Variants in ACVR1B observed in about 807,000 individuals in gnomAD.
The protein encoded by ACVR1B is activin A receptor type 1B, also known as activin receptor type-1B.
ACVR1B carries 15 observed loss-of-function variants against 55.6 expected under a neutral mutation model. That is an observed-to-expected ratio of 0.27 (90% CI 0.18 to 0.42). ACVR1B has a LOEUF of 0.42. ACVR1B is among the 10% of genes least tolerant of loss of function. The pLI, the probability that ACVR1B is intolerant of heterozygous loss-of-function variation, is 1.00. For missense variants in ACVR1B, 359 were observed against 670.1 expected (o/e 0.54, Z 5.13); for synonymous variants, 247 against 254.6 (o/e 0.97, Z 0.28).
rs1941824002 is a variant in ACVR1B, at chr12:51,975,151, A to G, written c.92-114A>G. 10 of 1,459,296 alleles carry G rather than the reference A, an allele frequency of 6.9e-6. No individual in the cohort carries two copies. The South Asian group carries it at 9.5e-5, about 14-fold the overall frequency. 90.4% of individuals were successfully genotyped at this position (1,459,296 alleles called of 1,614,324 possible). A position where few individuals can be genotyped will look rare whatever the true frequency, so the allele number is the denominator to read the frequency against. The stretch of plus-strand genomic sequence containing the variant: ...AGGATATCTTTTTGGCCCCATCTCT[A>G]TAAAAACTGTTTTGGAACATCAAGT... On this transcript the variant is annotated intron_variant, in intron 1 of 8. Coordinates refer to ENST00000257963, the MANE Select transcript of ACVR1B (RefSeq NM_004302.5).
intron 1 of ACVR1B, among the ~76,000 whole-genome samples, chr12:51,967,801 A>C (rs747947663): frequency 1.5e-4 from 23 of 152,212 alleles, no homozygotes; most frequent in Non-Finnish European, 3.2e-4. Flanking sequence ...AAACTTGCCT[A>C]GTGTTGCTAA....
At chr12:51,952,712 G>GTA (rs1333602848) in intron 1 of ACVR1B, among the ~76,000 whole-genome samples, 1 of 152,060 alleles carries the variant, frequency 6.6e-6, no homozygotes, top group Non-Finnish European at 1.5e-5. Context: ...CCTGGAACCT[G>GTA]TCTCCAAACC....
At chr12:51,967,016 G>A (rs1175919639) in intron 1 of ACVR1B, among the ~76,000 whole-genome samples, 1 of 152,096 alleles carries the variant, frequency 6.6e-6, no homozygotes, top group Non-Finnish European at 1.5e-5. Context: ...CGAGACGGGT[G>A]GATCACAAGG....
chr12:51,979,728 GAA>G, intron 3 of ACVR1B, among the ~76,000 whole-genome samples: 1 of 152,270 alleles, frequency 6.6e-6, no homozygotes, highest in African/African-American at 2.4e-5. Context: ...GGCTTCTACT[GAA>G]AGTTTCCATG....
chr12:51,987,079 C>T (rs1253512048), intron 7 of ACVR1B, 137 bp downstream of exon 7: 1 of 1,236,700 alleles, frequency 8.1e-7, no homozygotes, highest in South Asian at 1.2e-5. Context: ...TTAAGGTTGC[C>T]ATCAAAGGTG....
intron 3 of ACVR1B, among the ~76,000 whole-genome samples, chr12:51,979,163 CAAA>C (rs1164099929): frequency 0.042 from 2,409 of 57,044 alleles, 25 homozygotes; most frequent in African/African-American, 0.051. Flanking sequence ...AGCTCCGTCT[CAAA>C]AAAAAAAAAA....
chr12:51,965,534 TTGGAGA>T (rs1164191751), intron 1 of ACVR1B, among the ~76,000 whole-genome samples: 4 of 151,960 alleles, frequency 2.6e-5, no homozygotes, highest in Non-Finnish European at 5.9e-5. Context: ...AACCAGTAGG[TTGGAGA>T]TATTAGAGTA....
intron 3 of ACVR1B, among the ~76,000 whole-genome samples, chr12:51,978,556 G>A (rs1941912620): frequency 6.6e-6 from 1 of 152,048 alleles, no homozygotes; most frequent in African/African-American, 2.4e-5. Flanking sequence ...CCGGCCAGGC[G>A]CGGTGGCTCA....
At chr12:51,971,217 G>T (rs1941741599) in intron 1 of ACVR1B, among the ~76,000 whole-genome samples, 1 of 152,224 alleles carries the variant, frequency 6.6e-6, no homozygotes, top group Non-Finnish European at 1.5e-5. Flanking sequence ...TCAAAACACA[G>T]CCTGTCTCAT....
At chr12:51,958,874 T>A (rs1178033536) in intron 1 of ACVR1B, among the ~76,000 whole-genome samples, 2 of 152,172 alleles carry the variant, frequency 1.3e-5, no homozygotes, top group Non-Finnish European at 2.9e-5. Flanking sequence ...CCAGTACCGG[T>A]CTGTGGCCCC....
chr12:51,951,924 C>A (rs979338156), intron 1 of ACVR1B, 90 bp downstream of exon 1: 5 of 785,320 alleles, frequency 6.4e-6, no homozygotes, highest in Non-Finnish European at 8.5e-6. Flanking sequence ...TACAGCGCGC[C>A]CCCTCCCCAC....
chr12:51,954,691 T>C (rs1941375608), intron 1 of ACVR1B, among the ~76,000 whole-genome samples: 1 of 152,240 alleles, frequency 6.6e-6, no homozygotes, highest in South Asian at 2.1e-4. Flanking sequence ...TTACAAGTTG[T>C]CCTTGAACAA....
chr12:51,962,811 G>A (rs1026816538), intron 1 of ACVR1B, among the ~76,000 whole-genome samples: 1 of 152,216 alleles, frequency 6.6e-6, no homozygotes, highest in Non-Finnish European at 1.5e-5. Flanking sequence ...TATAAAGTGA[G>A]TAAAAGCTGA....
In ACVR1B at chr12:51,981,139, T is replaced by C; in HGVS notation, c.751T>C (p.Tyr251His). Reference protein sequence around the residue: ...ERSWFREAEIYQTVMLRHENI... With the variant: ...ERSWFREAEIHQTVMLRHENI... ...GTCTTGGTTCAGGGAAGCAGAGATA[T>C]ACCAGACGGTCATGCTGCGCCATGA... is the stretch of plus-strand genomic sequence containing the variant. The change falls in exon 4 of 9, where the codon TAC becomes CAC. Residue 251 changes from tyrosine to histidine, a missense_variant. This residue lies in a region of ACVR1B where 119 missense variants were observed against 340.2 expected (regional missense o/e 0.35). Coordinates refer to ENST00000257963, the MANE Select transcript of ACVR1B (RefSeq NM_004302.5). 2.5e-6 allele frequency: 4 copies of C among 1,614,152 alleles called. No homozygotes were observed. Among genetic ancestry groups the C allele is most frequent in the Non-Finnish European group, 2.5e-6 (3 of 1,180,038 alleles).
At chr12:51,971,296 C>G (rs1941742786) in intron 1 of ACVR1B, among the ~76,000 whole-genome samples, 1 of 152,214 alleles carries the variant, frequency 6.6e-6, no homozygotes, top group East Asian at 1.9e-4. Context: ...GTGTTCAAAC[C>G]CTGCCAAGGT....
intron 7 of ACVR1B, 189 bp downstream of exon 7, chr12:51,987,131 C>A (rs779480459): frequency 1.5e-5 from 12 of 781,794 alleles, no homozygotes; most frequent in Non-Finnish European, 2.5e-5. Context: ...CTTCAGGGAT[C>A]AGTTTGTTGA....
At position 51,996,229 on chromosome 12, in the gene ACVR1B, C is replaced by G. The variant is rs144690977; in HGVS notation, c.*2119C>G. 2.0e-5 allele frequency: 3 copies of G among 152,622 alleles called. No individual in the cohort carries two copies. The highest frequency in any genetic ancestry group is 7.2e-5 in the African/African-American group (3 of 41,532). 9.5% of individuals were successfully genotyped at this position (152,622 alleles called of 1,614,324 possible). ...ACTGCATTCATTCTGAGCCCCCTTC[C>G]TGTCCCCAGGGGAGGTGTATTGTGT... On this transcript the variant is annotated 3_prime_UTR_variant, in exon 9 of 9. Transcript: ENST00000257963.
intron 1 of ACVR1B, among the ~76,000 whole-genome samples, chr12:51,975,025 C>G (rs745764466): frequency 6.6e-6 from 1 of 152,188 alleles, no homozygotes; most frequent in Non-Finnish European, 1.5e-5. Context: ...GGTAGTTCCT[C>G]TGTCTCTCAC....
chr12:51,953,888 C>T (rs902534349), intron 1 of ACVR1B, among the ~76,000 whole-genome samples: 1 of 151,988 alleles, frequency 6.6e-6, no homozygotes, highest in East Asian at 1.9e-4. Flanking sequence ...ATAGGGAGTT[C>T]GTTTCTTTTT....
Sources: allele counts gnomAD v4.1 joint callset (sites outside exome capture counted in the v4.1 genomes callset), GRCh38; gene constraint gnomAD v4.1.1; regional missense constraint gnomAD v4.1.1; transcripts MANE v1.5; gene names NCBI Gene and HGNC (gene_info 2026-07-23, HGNC 2026-07-21).